VPS37C: variants seen among roughly 807,000 people sequenced by gnomAD.
VPS37C encodes the protein vacuolar protein sorting-associated protein 37C.
A neutral mutation model predicts 16.1 loss-of-function variants in VPS37C; 9 were observed. The ratio of observed to expected loss-of-function variants is 0.56; its 90% CI spans 0.34 to 0.97. The LOEUF (loss-of-function observed/expected upper bound fraction) is 0.97. Ranked by LOEUF, VPS37C falls within the 50% of genes least tolerant of loss-of-function variation. The pLI, the probability that VPS37C is intolerant of heterozygous loss-of-function variation, is 0.02. For synonymous variants in VPS37C, 207 were observed against 206.4 expected (o/e 1.00, Z -0.02); for missense variants, 479 against 472.7 (o/e 1.01, Z -0.12).
rs1373086413 is a variant in VPS37C at position 61,140,257 on chromosome 11, T to C, written c.-6-1422A>G. ...ATGCACCCTTCTCCAGGTCTCAGTT[T>C]CCCCATTTGCAGTAGGAAGCGAACG... On this transcript the variant is annotated intron_variant, in intron 1 of 4. Transcript: ENST00000301765. Among the ~76,000 whole-genome samples the C allele has an allele frequency of 2.0e-5, 3 of 152,036 alleles. 1 individual carries two copies. The highest frequency in any genetic ancestry group is 4.4e-5 in the Non-Finnish European group (3 of 68,004).
At chr11:61,145,472 G>T (rs1380817321) in intron 1 of VPS37C, 1 of 152,392 alleles carries the variant, frequency 6.6e-6, no homozygotes, top group African/African-American at 2.4e-5. Flanking sequence ...CCACCTTGTG[G>T]GGTTTACCAC....
chr11:61,146,534 C>A (rs1853209132), intron 1 of VPS37C, among the ~76,000 whole-genome samples: 1 of 152,182 alleles, frequency 6.6e-6, no homozygotes, highest in South Asian at 2.1e-4. Flanking sequence ...ATGCCAGGAG[C>A]AGCACAGCCC....
At chr11:61,154,694 T>C (rs1354688487) in intron 1 of VPS37C, among the ~76,000 whole-genome samples, 1 of 152,146 alleles carries the variant, frequency 6.6e-6, no homozygotes, top group Non-Finnish European at 1.5e-5. Context: ...TTTCCAAATC[T>C]GATGAAAGCT....
intron 2 of VPS37C, among the ~76,000 whole-genome samples, chr11:61,137,755 C>A (rs1222420336): frequency 6.6e-6 from 1 of 152,176 alleles, no homozygotes; most frequent in Non-Finnish European, 1.5e-5. Flanking sequence ...CCTCTCCTCA[C>A]AATCTCCCCA....
chr11:61,141,116 C>T (rs1483152128), intron 1 of VPS37C, among the ~76,000 whole-genome samples: 1 of 152,128 alleles, frequency 6.6e-6, no homozygotes, highest in Non-Finnish European at 1.5e-5. Flanking sequence ...TGCCTATAAT[C>T]CCAGCACTTT....
intron 1 of VPS37C, among the ~76,000 whole-genome samples, chr11:61,160,796 C>T (rs1428148290): frequency 6.6e-6 from 1 of 152,208 alleles, no homozygotes; most frequent in Non-Finnish European, 1.5e-5. Flanking sequence ...CATCAGTGCC[C>T]TTTGCGCCCA....
chr11:61,130,500 G>A lies in VPS37C; in HGVS notation c.*1320C>T, dbSNP rs1324682903. On this transcript the variant is annotated 3_prime_UTR_variant, in exon 5 of 5. Coordinates refer to ENST00000301765, the MANE Select transcript of VPS37C (RefSeq NM_017966.5). ...GTCCCTCCTTGGCCCCAGCAGCCCC[G>A]GGCCCACCAGATGCTGCGTCCTCAG... 4.5e-5 allele frequency: 9 copies of A among 202,056 alleles called. No individual in the cohort carries two copies. The highest frequency in any genetic ancestry group is 9.0e-5 in the Non-Finnish European group (9 of 100,162). 12.5% of individuals were successfully genotyped at this position (202,056 alleles called of 1,614,324 possible).
intron 1 of VPS37C, among the ~76,000 whole-genome samples, chr11:61,147,059 C>CTG (rs1853217364): frequency 6.6e-6 from 1 of 152,132 alleles, no homozygotes. Flanking sequence ...AATTTCAACT[C>CTG]AAAGTTGTGA....
intron 1 of VPS37C, among the ~76,000 whole-genome samples, chr11:61,156,352 G>A (rs141420729): frequency 1.7e-3 from 258 of 152,322 alleles, no homozygotes; most frequent in Middle Eastern, 3.4e-3. Context: ...TTTGGGAGGG[G>A]TGGGTAGATA....
intron 2 of VPS37C, among the ~76,000 whole-genome samples, chr11:61,136,419 C>A (rs982119163): frequency 2.6e-5 from 4 of 152,132 alleles, no homozygotes; most frequent in Non-Finnish European, 4.4e-5. Context: ...GGTCTTCCAC[C>A]CACCTCGGCC....
rs763521473 is a variant in VPS37C, at chr11:61,132,519, C to T, written c.369G>A (p.Leu123=). ...EESEAMAEKF[L]EGEVPLETFL... is the part of the protein sequence containing the mutation. The stretch of plus-strand genomic sequence containing the variant: ...ACGTTTCCAGGGGCACCTCGCCCTC[C>T]AGGAACTTCTCAGCCATGGCCTGGA... The change falls in exon 5 of 5, where the codon CTG becomes CTA. Residue 123 remains leucine (L), a synonymous_variant. Transcript: ENST00000301765. The T allele has an allele frequency of 8.7e-6, 14 of 1,603,830 alleles. No homozygotes were observed. In the African/African-American group the frequency reaches 1.9e-4, roughly 21 times the overall value.
intron 1 of VPS37C, among the ~76,000 whole-genome samples, chr11:61,155,360 A>G (rs1461986454): frequency 6.6e-6 from 1 of 151,586 alleles, no homozygotes; most frequent in African/African-American, 2.4e-5. Flanking sequence ...CTACCCAGGC[A>G]TGGTGATACA....
At chr11:61,141,419 A>G (rs1452719172) in intron 1 of VPS37C, among the ~76,000 whole-genome samples, 1 of 152,098 alleles carries the variant, frequency 6.6e-6, no homozygotes, top group Non-Finnish European at 1.5e-5. Context: ...AGAGCAGGGA[A>G]AGAGCAGCCT....
chr11:61,150,564 T>TC (rs1353557772), intron 1 of VPS37C, among the ~76,000 whole-genome samples: 1 of 151,104 alleles, frequency 6.6e-6, no homozygotes, highest in African/African-American at 2.4e-5. Flanking sequence ...TTTGTTTTTT[T>TC]TTTTTCCAAA....
In VPS37C at chr11:61,132,221, G is replaced by A; in HGVS notation, c.667C>T (p.Leu223=). The change falls in exon 5 of 5, where the codon CTG becomes TTG. Residue 223 remains leucine (L), a synonymous_variant. Transcript: ENST00000301765. ...ACTACTGGGAAAGGGGCCGGTGGCA[G>A]GGCTCCATGGGCAGTGGGGCCCACA... ...LPVGPTAHGA[L]PPAPFPVVSQ... is the part of the protein sequence containing the mutation. 6.6e-7 allele frequency: 1 copy of A among 1,508,428 alleles called. No individual in the cohort carries two copies. Among genetic ancestry groups the A allele is most frequent in the Non-Finnish European group, 8.9e-7 (1 of 1,128,648 alleles). 93.4% of individuals were successfully genotyped at this position (1,508,428 alleles called of 1,614,324 possible). A position where few individuals can be genotyped will look rare whatever the true frequency, so the allele number is the denominator to read the frequency against.
Position 61,154,905 on chromosome 11 carries a change from G to A in VPS37C, c.-7+6486C>T, listed in dbSNP as rs114464900. On this transcript the variant is annotated intron_variant, in intron 1 of 4. Coordinates refer to ENST00000301765, the MANE Select transcript of VPS37C (RefSeq NM_017966.5). ...GGATCGCTTGAGCCCAGGAGTTTTC[G>A]ACCACCCTGGGCAACATAGTGAGAC... Among the ~76,000 whole-genome samples the A allele has an allele frequency of 8.7e-3, 1,320 of 152,086 alleles. 30 individuals are homozygous for A. The highest frequency in any genetic ancestry group is 0.029 in the African/African-American group (1,200 of 41,472).
rs1215012075 is a variant in VPS37C, at chr11:61,133,702, G to C, written c.265+334C>G. Among the ~76,000 whole-genome samples the C allele has an allele frequency of 4.6e-5, 7 of 152,346 alleles. No homozygotes were observed. In the South Asian group the frequency reaches 1.5e-3, roughly 32 times the overall value. On this transcript the variant is annotated intron_variant, in intron 3 of 4. Transcript: ENST00000301765. The stretch of plus-strand genomic sequence containing the variant: ...CACCCTCCCACCTTCAAAGGTGACA[G>C]GTCCTGGGACACAGAGAGCCCAGAG...
At chr11:61,160,138 C>T (rs1853447578) in intron 1 of VPS37C, among the ~76,000 whole-genome samples, 1 of 152,098 alleles carries the variant, frequency 6.6e-6, no homozygotes. Context: ...CCAGAAACTG[C>T]TCAGAAAGTC....
In VPS37C at chr11:61,131,605, G is replaced by A. The variant is rs1005797994; in HGVS notation, c.*215C>T. The A allele has an allele frequency of 1.7e-6, 1 of 588,342 alleles. No homozygotes were observed. Among genetic ancestry groups the A allele is most frequent in the Non-Finnish European group, 2.5e-6 (1 of 400,826 alleles). 36.4% of individuals were successfully genotyped at this position (588,342 alleles called of 1,614,324 possible). On this transcript the variant is annotated 3_prime_UTR_variant, in exon 5 of 5. Coordinates refer to ENST00000301765, the MANE Select transcript of VPS37C (RefSeq NM_017966.5). ...CACCGCTGCAGCCAGGCACTGAAAG[G>A]AGGGGCTTCCAGGAGGACCTCTGGC...
Sources: gnomAD v4.1 joint callset for allele counts (sites outside exome capture counted in the v4.1 genomes callset) on GRCh38, gnomAD v4.1.1 for gene constraint, MANE v1.5 for transcripts, NCBI Gene and HGNC (gene_info 2026-07-23, HGNC 2026-07-21) for gene names.